The following LPP variants were observed in gnomAD, a reference collection of about 807,000 sequenced individuals.
LPP encodes the protein LIM domain containing preferred translocation partner in lipoma, also known as lipoma-preferred partner.
A neutral mutation model predicts 60.4 loss-of-function variants in LPP; 38 were observed. The observed-to-expected ratio is 0.63, with a 90% CI of 0.49 to 0.83. LPP has a LOEUF of 0.83. Ranked by LOEUF, LPP falls within the 40% of genes least tolerant of loss-of-function variation. The probability of loss-of-function intolerance (pLI) is 0.00; values close to 1 mark genes in which losing one functional copy is unlikely to be tolerated. For synonymous variants in LPP, 328 were observed against 290.8 expected (o/e 1.13, Z -1.30); for missense variants, 902 against 783.6 (o/e 1.15, Z -1.80).
intron 10 of LPP, among the ~76,000 whole-genome samples, chr3:188,870,755 G>A (rs535172203): frequency 1.3e-5 from 2 of 152,152 alleles, no homozygotes; most frequent in Admixed American, 6.5e-5. Flanking sequence ...AATTGCTATC[G>A]GAGGAACACT....
chr3:188,298,406 C>T (rs1748642359), intron 2 of LPP, among the ~76,000 whole-genome samples: 1 of 152,168 alleles, frequency 6.6e-6, no homozygotes, highest in Non-Finnish European at 1.5e-5. Context: ...GCTTATTTTA[C>T]CTTTGCTTCT....
chr3:188,815,675 G>A (rs531535453), intron 9 of LPP, among the ~76,000 whole-genome samples: 2 of 152,302 alleles, frequency 1.3e-5, no homozygotes, highest in East Asian at 1.9e-4. Context: ...TTGTATGTGT[G>A]TTGTGAAAGA....
intron 8 of LPP, among the ~76,000 whole-genome samples, chr3:188,733,308 TG>T (rs1721325003): frequency 6.6e-6 from 1 of 151,968 alleles, no homozygotes; most frequent in Admixed American, 6.6e-5. Context: ...TGTGTGTGTG[TG>T]TGTGTGTGTA....
At chr3:188,597,388 T>G (rs1840192098) in intron 6 of LPP, among the ~76,000 whole-genome samples, 1 of 152,196 alleles carries the variant, frequency 6.6e-6, no homozygotes. Context: ...ATTTCAGTGA[T>G]AAGAAACCCC....
rs143602006 is a variant in LPP at position 188,468,448 on chromosome 3, C to A, written c.194-16144C>A. Reference sequence around the variant, plus strand: ...TTTATCTACAAAAACAGGAGGTGGTCTGGATTTGGCCATTTGGCTGTTGCT... The same window carrying A: ...TTTATCTACAAAAACAGGAGGTGGTATGGATTTGGCCATTTGGCTGTTGCT... On this transcript the variant is annotated intron_variant, in intron 4 of 11. Coordinates refer to ENST00000617246, the MANE Select transcript of LPP (RefSeq NM_001375462.1). Among the ~76,000 whole-genome samples, 413 of 152,252 alleles carry A rather than the reference C, an allele frequency of 2.7e-3. 3 individuals carry two copies. Among genetic ancestry groups the A allele is most frequent in the African/African-American group, 9.5e-3 (395 of 41,560 alleles).
intron 3 of LPP, among the ~76,000 whole-genome samples, chr3:188,344,558 A>G (rs1162240623): frequency 6.6e-6 from 1 of 152,118 alleles, no homozygotes; most frequent in Non-Finnish European, 1.5e-5. Context: ...ACTTCCGGTT[A>G]AATGTTCTCT....
At chr3:188,517,826 T>C (rs1283403365) in intron 5 of LPP, among the ~76,000 whole-genome samples, 1 of 152,088 alleles carries the variant, frequency 6.6e-6, no homozygotes, top group Non-Finnish European at 1.5e-5. Flanking sequence ...TGGGGAGTTA[T>C]GGGAGTACAA....
chr3:188,346,912 A>G (rs1025019968), intron 3 of LPP, among the ~76,000 whole-genome samples: 10 of 152,144 alleles, frequency 6.6e-5, no homozygotes, highest in African/African-American at 1.9e-4. Context: ...TTTGGCATGT[A>G]TGTATCTCAA....
intron 1 of LPP, among the ~76,000 whole-genome samples, chr3:188,167,477 G>A (rs1417710262): frequency 6.8e-6 from 1 of 146,478 alleles, no homozygotes; most frequent in Non-Finnish European, 1.5e-5. Context: ...CTCTAGCCTG[G>A]GCAACGGAGC....
chr3:188,843,245 A>C (rs964449048), intron 9 of LPP, among the ~76,000 whole-genome samples: 2 of 152,144 alleles, frequency 1.3e-5, no homozygotes, highest in Non-Finnish European at 2.9e-5. Flanking sequence ...ACCAGCCTGG[A>C]CTATTAGGAA....
intron 2 of LPP, among the ~76,000 whole-genome samples, chr3:188,293,141 T>C (rs1270955036): frequency 6.6e-6 from 1 of 152,250 alleles, no homozygotes; most frequent in Admixed American, 6.5e-5. Flanking sequence ...GATTTTGAAC[T>C]CTGGAGGACT....
chr3:188,611,424 G>A (rs1843697752), intron 7 of LPP, among the ~76,000 whole-genome samples: 1 of 152,154 alleles, frequency 6.6e-6, no homozygotes, highest in African/African-American at 2.4e-5. Flanking sequence ...AGTGCCTCCT[G>A]GCCCAGTCAA....
intron 4 of LPP, among the ~76,000 whole-genome samples, chr3:188,411,717 C>A (rs375728191): frequency 1.2e-4 from 18 of 152,204 alleles, no homozygotes; most frequent in African/African-American, 4.3e-4. Flanking sequence ...AACAACCACC[C>A]CACCCCCAAA....
At chr3:188,430,507 A>T (rs1790625839) in intron 4 of LPP, among the ~76,000 whole-genome samples, 1 of 152,100 alleles carries the variant, frequency 6.6e-6, no homozygotes, top group Non-Finnish European at 1.5e-5. Flanking sequence ...AGTGAAAAAA[A>T]CTCTTTAAAC....
chr3:188,268,686 G>A (rs950652319), intron 2 of LPP, among the ~76,000 whole-genome samples: 45 of 152,280 alleles, frequency 3.0e-4, no homozygotes, highest in African/African-American at 1.1e-3. Flanking sequence ...ATACCTGTAC[G>A]CCCAAGTTCA....
At chr3:188,737,597 A>G (rs1329679548) in intron 8 of LPP, among the ~76,000 whole-genome samples, 2 of 152,184 alleles carry the variant, frequency 1.3e-5, no homozygotes, top group Admixed American at 1.3e-4. Context: ...AGATGGAGGC[A>G]GCAAATATTC....
At chr3:188,278,765 A>C (rs1740898233) in intron 2 of LPP, among the ~76,000 whole-genome samples, 1 of 151,868 alleles carries the variant, frequency 6.6e-6, no homozygotes, top group East Asian at 1.9e-4. Flanking sequence ...AAGAAAGGAG[A>C]GTGAGGTTGG....
chr3:188,605,487 A>T (rs1404492504), intron 6 of LPP, among the ~76,000 whole-genome samples: 1 of 152,164 alleles, frequency 6.6e-6, no homozygotes, highest in Non-Finnish European at 1.5e-5. Context: ...TCTGAAAAGC[A>T]TATGAGACAT....
chr3:188,244,163 G>T (rs1489525715), intron 2 of LPP, among the ~76,000 whole-genome samples: 1 of 152,200 alleles, frequency 6.6e-6, no homozygotes. Flanking sequence ...GAGCCACTGC[G>T]CCCAGCGCAC....
Sources: gnomAD v4.1 joint callset for allele counts (sites outside exome capture counted in the v4.1 genomes callset) on GRCh38, gnomAD v4.1.1 for gene constraint, MANE v1.5 for transcripts, NCBI Gene and HGNC (gene_info 2026-07-23, HGNC 2026-07-21) for gene names.